The following THSD7B variants were observed in gnomAD, a reference collection of about 807,000 sequenced individuals.
The protein encoded by THSD7B is thrombospondin type 1 domain containing 7B, also known as thrombospondin type-1 domain-containing protein 7B.
In THSD7B, 138 loss-of-function variants were observed where a neutral mutation model predicts 213.6. The ratio of observed to expected loss-of-function variants is 0.65; its 90% CI spans 0.56 to 0.74. The LOEUF is 0.74. THSD7B is among the 30% of genes least tolerant of loss of function. The pLI is 0.00. For missense variants in THSD7B, 1,931 were observed against 1,991.5 expected (o/e 0.97, Z 0.58); for synonymous variants, 742 against 687.0 (o/e 1.08, Z -1.25).
chr2:137,588,077 C>G (rs1681779607), intron 17 of THSD7B, among the ~76,000 whole-genome samples: 1 of 152,212 alleles, frequency 6.6e-6, no homozygotes, highest in Non-Finnish European at 1.5e-5. Flanking sequence ...GCAGTTTGAT[C>G]TCAGACTGCT....
intron 10 of THSD7B, among the ~76,000 whole-genome samples, chr2:137,265,985 A>G (rs567786965): frequency 6.6e-6 from 1 of 152,354 alleles, no homozygotes; most frequent in Admixed American, 6.5e-5. Context: ...TACCAGGAAC[A>G]TGGAATGGTT....
intron 1 of THSD7B, among the ~76,000 whole-genome samples, chr2:136,807,183 G>A (rs1682297149): frequency 6.6e-6 from 1 of 152,100 alleles, no homozygotes; most frequent in Non-Finnish European, 1.5e-5. Context: ...TCACTAAGTA[G>A]AGCCCAAACT....
intron 6 of THSD7B, among the ~76,000 whole-genome samples, chr2:137,160,704 A>G (rs749832802): frequency 3.3e-5 from 5 of 152,290 alleles, no homozygotes; most frequent in Admixed American, 2.0e-4. Flanking sequence ...GCTCACTGCA[A>G]TCTCTGCCTC....
intron 1 of THSD7B, among the ~76,000 whole-genome samples, chr2:136,872,047 C>T (rs934472734): frequency 6.6e-6 from 1 of 152,206 alleles, no homozygotes; most frequent in African/African-American, 2.4e-5. Context: ...ATACAACATA[C>T]ATCAACATAC....
chr2:137,663,302 T>G, intron 25 of THSD7B, 81 bp from the exon 26 acceptor site: 2 of 1,235,014 alleles, frequency 1.6e-6, no homozygotes, highest in Non-Finnish European at 2.2e-6. Context: ...GTGCAAATAT[T>G]AAGTGATTTT....
chr2:137,560,883 G>A (rs1463441361), intron 15 of THSD7B, among the ~76,000 whole-genome samples: 3 of 152,066 alleles, frequency 2.0e-5, no homozygotes, highest in Non-Finnish European at 4.4e-5. Flanking sequence ...CTGGGACTGT[G>A]ACTGCATCCC....
chr2:137,568,133 C>T (rs1681278934), intron 16 of THSD7B, among the ~76,000 whole-genome samples: 1 of 151,978 alleles, frequency 6.6e-6, no homozygotes, highest in South Asian at 2.1e-4. Context: ...TGTTGATGAT[C>T]TCACTAAGAG....
At chr2:137,462,520 A>G (rs1483579803) in intron 15 of THSD7B, among the ~76,000 whole-genome samples, 2 of 152,084 alleles carry the variant, frequency 1.3e-5, no homozygotes, top group African/African-American at 2.4e-5. Context: ...TTCATGACGA[A>G]CAACTTTTGT....
intron 1 of THSD7B, among the ~76,000 whole-genome samples, chr2:136,866,454 T>C (rs894618250): frequency 2.0e-5 from 3 of 152,222 alleles, no homozygotes; most frequent in African/African-American, 7.2e-5. Context: ...TTAAACTATG[T>C]TATTTTTAAT....
intron 15 of THSD7B, among the ~76,000 whole-genome samples, chr2:137,475,677 A>G (rs1688177303): frequency 6.6e-6 from 1 of 152,134 alleles, no homozygotes; most frequent in Admixed American, 6.5e-5. Flanking sequence ...TGAATAACAT[A>G]TATGTATTGT....
At chr2:137,238,524 A>G (rs1352786497) in intron 9 of THSD7B, among the ~76,000 whole-genome samples, 1 of 132,154 alleles carries the variant, frequency 7.6e-6, no homozygotes, top group African/African-American at 2.9e-5. Flanking sequence ...TGATAATGAC[A>G]CTCATCTTTC....
chr2:137,312,162 T>G (rs188604097), intron 12 of THSD7B, among the ~76,000 whole-genome samples: 2,779 of 152,258 alleles, frequency 0.018, 95 homozygotes, highest in African/African-American at 0.062. Flanking sequence ...GGTAAGCTAT[T>G]GATTATTGCC....
At chr2:137,219,193 AG>A (rs1450902020) in intron 7 of THSD7B, among the ~76,000 whole-genome samples, 1 of 152,146 alleles carries the variant, frequency 6.6e-6, no homozygotes, top group African/African-American at 2.4e-5. Flanking sequence ...AAAATTGAAT[AG>A]GAACAGTTTA....
intron 1 of THSD7B, among the ~76,000 whole-genome samples, chr2:136,813,575 C>T (rs1682420873): frequency 6.6e-6 from 1 of 152,100 alleles, no homozygotes. Flanking sequence ...CAACTTTGAA[C>T]TTCAACTACA....
intron 5 of THSD7B, among the ~76,000 whole-genome samples, chr2:137,156,669 G>T (rs892871): frequency 0.73 from 110,987 of 152,116 alleles, 40,722 homozygotes; most frequent in Middle Eastern, 0.76. Flanking sequence ...AATATCTGTG[G>T]AGACACAGTG....
chr2:137,397,245 G>A (rs1414608365), intron 12 of THSD7B, among the ~76,000 whole-genome samples: 1 of 152,172 alleles, frequency 6.6e-6, no homozygotes, highest in South Asian at 2.1e-4. Context: ...AGTTGATGCA[G>A]TTTCTTCCTA....
chr2:137,451,119 C>A, intron 15 of THSD7B, 96 bp downstream of exon 15: 1 of 1,273,974 alleles, frequency 7.8e-7, no homozygotes, highest in Non-Finnish European at 1.0e-6. Context: ...ACAAGGAGCT[C>A]ATTAAAAGTT....
At chr2:136,827,540 T>G (rs1439855466) in intron 1 of THSD7B, among the ~76,000 whole-genome samples, 1 of 152,166 alleles carries the variant, frequency 6.6e-6, no homozygotes, top group Admixed American at 6.5e-5. Context: ...ACAGTGTTGC[T>G]GCAGTTTAGT....
chr2:136,963,204 C>G (rs1262282587), intron 2 of THSD7B, among the ~76,000 whole-genome samples: 1 of 152,148 alleles, frequency 6.6e-6, no homozygotes, highest in Non-Finnish European at 1.5e-5. Context: ...ATGCTATCTC[C>G]CTTCCCACCC....
Sources: allele counts gnomAD v4.1 joint callset (sites outside exome capture counted in the v4.1 genomes callset), GRCh38; gene constraint gnomAD v4.1.1; transcripts MANE v1.5; gene names NCBI Gene and HGNC (gene_info 2026-07-23, HGNC 2026-07-21).